The following ISX variants were observed in gnomAD, a reference collection of about 807,000 sequenced individuals.
ISX encodes the protein intestine specific homeobox.
A neutral mutation model predicts 16.9 loss-of-function variants in ISX; 15 were observed. The observed-to-expected ratio is 0.89, with a 90% confidence interval of 0.59 to 1.36. The LOEUF (loss-of-function observed/expected upper bound fraction) is 1.36. Ranked by LOEUF, ISX falls within the 40% of genes most tolerant of loss-of-function variation. ISX has a pLI of 0.00. For synonymous variants in ISX, 125 were observed against 119.7 expected (o/e 1.04, Z -0.29); for missense variants, 316 against 306.1 (o/e 1.03, Z -0.24).
At chr22:35,084,628 G>A (rs1311926764) in intron 4 of ISX, 129 bp downstream of exon 4, 4 of 586,210 alleles carry the variant, frequency 6.8e-6, no homozygotes, top group Non-Finnish European at 1.2e-5. Context: ...AATTATATTA[G>A]AAACAGCATG....
rs568775205 is a variant in ISX at position 35,068,303 on chromosome 22, T to C, written c.229+987T>C. ...TCAGGGAGCCCTTAATGTCATTACC[T>C]GCCATAAATAGAGCTCCACATCCCC... On this transcript the variant is annotated intron_variant, in intron 2 of 4. Transcript: ENST00000404699. 3.3e-4 allele frequency among the ~76,000 whole-genome samples: 50 copies of C among 152,220 alleles called. No homozygotes were observed. The South Asian group carries it at 0.01, about 32-fold the overall frequency.
intron 2 of ISX, among the ~76,000 whole-genome samples, chr22:35,073,560 T>A (rs1186987259): frequency 6.6e-6 from 1 of 152,158 alleles, no homozygotes; most frequent in Admixed American, 6.5e-5. Flanking sequence ...ACAATTACAA[T>A]TGTGGCAAGT....
intron 2 of ISX, among the ~76,000 whole-genome samples, chr22:35,070,845 T>C (rs1476504876): frequency 6.6e-6 from 1 of 152,222 alleles, no homozygotes; most frequent in African/African-American, 2.4e-5. Context: ...GCAATGTTTT[T>C]CTGCAAAGGA....
chr22:35,084,241 C>T (rs1234411598), intron 3 of ISX, 142 bp from the exon 4 acceptor site: 3 of 568,200 alleles, frequency 5.3e-6, no homozygotes, highest in Non-Finnish European at 9.2e-6. Flanking sequence ...ACCTCCAGAT[C>T]CAAAGACATC....
rs767512747 is a variant in ISX, at chr22:35,082,647, A to G, written c.359A>G (p.Asn120Ser). The G allele has an allele frequency of 6.2e-7, 1 of 1,613,968 alleles. No individual in the cohort carries two copies. Among genetic ancestry groups the G allele is most frequent in the Non-Finnish European group, 8.5e-7 (1 of 1,179,968 alleles). Reference sequence around the variant, plus strand: ...CGCAGCCAGCTGGCAGCCAGGATCAACCTCCCAGAAGCTCGGGTGCAGGTA... The same window carrying G: ...CGCAGCCAGCTGGCAGCCAGGATCAGCCTCCCAGAAGCTCGGGTGCAGGTA... Reference protein sequence around the residue: ...HIRSQLAARINLPEARVQIWF... With the variant: ...HIRSQLAARISLPEARVQIWF... Residue 120 changes from asparagine (N) to serine (S), a missense_variant, in exon 3 of 5, where the codon AAC (asparagine) becomes AGC (serine). Transcript: ENST00000404699.
Position 35,072,220 on chromosome 22 carries a change from T to G in ISX, c.229+4904T>G, listed in dbSNP as rs373706644. On this transcript the variant is annotated intron_variant, in intron 2 of 4. Coordinates refer to ENST00000404699, the MANE Select transcript of ISX (RefSeq NM_001303508.2). ...TTCTAGAATTGAGAACCTGGCTCAG[T>G]CTCAGGCCCTGTGGGAGCACAAGAA... 1.3e-4 allele frequency among the ~76,000 whole-genome samples: 20 copies of G among 152,288 alleles called. No homozygotes were observed. The East Asian group carries it at 3.7e-3, about 28-fold the overall frequency.
intron 4 of ISX, 101 bp from the exon 5 acceptor site, chr22:35,085,353 C>A: frequency 7.1e-7 from 1 of 1,400,060 alleles, no homozygotes; most frequent in Non-Finnish European, 1.0e-6. Flanking sequence ...AAGTGGATCA[C>A]ACTACCCACT....
At position 35,085,481 on chromosome 22, in the gene ISX, C is replaced by T. The variant is rs536678640; in HGVS notation, c.526C>T (p.Arg176Cys). The change falls in exon 5 of 5, where the codon CGC becomes TGC. Residue 176 changes from arginine to cysteine, a missense_variant. Transcript: ENST00000404699. ...GCCCACGTGGACATCCACTGCTCTG[C>T]GCAGGCTGGCTCCTCCCACGAGCTG... The part of the protein sequence containing the change: ...AGPTWTSTAL[R>C]RLAPPTSCCP... The T allele has an allele frequency of 2.9e-5, 47 of 1,614,080 alleles. No homozygotes were observed. Among genetic ancestry groups the T allele is most frequent in the Admixed American group, 2.8e-4 (17 of 60,004 alleles).
rs1283092300 is a variant in ISX at position 35,085,998 on chromosome 22, T to C, written c.*305T>C. Reference sequence around the variant, plus strand: ...CTCCAGCACCTGTGTTTCCTCTAACTTGCTGTGTGACCTCCAGCCGGTCAC... The same window carrying C: ...CTCCAGCACCTGTGTTTCCTCTAACCTGCTGTGTGACCTCCAGCCGGTCAC... On this transcript the variant is annotated 3_prime_UTR_variant, in exon 5 of 5. Coordinates refer to ENST00000404699, the MANE Select transcript of ISX (RefSeq NM_001303508.2). The C allele has an allele frequency of 2.4e-6, 1 of 422,208 alleles. No individual in the cohort carries two copies. The highest frequency in any genetic ancestry group is 2.0e-5 in the African/African-American group (1 of 49,618). The allele number at this position is 422,208 out of a possible 1,614,324, so 26.2% of individuals were successfully genotyped here.
At chr22:35,080,126 C>G (rs994802289) in intron 2 of ISX, among the ~76,000 whole-genome samples, 5 of 152,186 alleles carry the variant, frequency 3.3e-5, no homozygotes, top group Non-Finnish European at 7.3e-5. Context: ...AGAGGCCTCC[C>G]CTTCTCGGTC....
In ISX at chr22:35,085,887, C is replaced by T; in HGVS notation, c.*194C>T. 1 of 640,526 alleles carries T rather than the reference C, an allele frequency of 1.6e-6. No homozygotes were observed. 39.7% of individuals were successfully genotyped at this position (640,526 alleles called of 1,614,324 possible). On this transcript the variant is annotated 3_prime_UTR_variant, in exon 5 of 5. Transcript: ENST00000404699. The stretch of plus-strand genomic sequence containing the variant: ...AAACTAAACAATAAAGGACAGCTCT[C>T]TTCTCTCCTGGCTAAAGCTGCTCTC...
chr22:35,084,708 C>CCCTTAGTGAACATCATA (rs1346539527), intron 4 of ISX, among the ~76,000 whole-genome samples: 3 of 152,182 alleles, frequency 2.0e-5, no homozygotes, highest in Non-Finnish European at 4.4e-5. Context: ...CATGTCTCCT[C>CCCTTAGTGAACATCATA]CCTTAGTGAA....
In ISX at chr22:35,077,303, C is replaced by G. The variant is rs75541501; in HGVS notation, c.230-5215C>G. Among the ~76,000 whole-genome samples the G allele has an allele frequency of 5.2e-3, 787 of 152,318 alleles. 8 individuals are homozygous for G. Among genetic ancestry groups the G allele is most frequent in the African/African-American group, 0.018 (748 of 41,564 alleles). ...ATTATGCTTTTCTGCCTTCTCCCAC[C>G]TTGTTCCCTTATTTGTAACTCTCTG... On this transcript the variant is annotated intron_variant, in intron 2 of 4. Coordinates refer to ENST00000404699, the MANE Select transcript of ISX (RefSeq NM_001303508.2).
At chr22:35,068,373 C>T (rs1928763234) in intron 2 of ISX, among the ~76,000 whole-genome samples, 1 of 152,190 alleles carries the variant, frequency 6.6e-6, no homozygotes, top group African/African-American at 2.4e-5. Flanking sequence ...TGAGGGGTCG[C>T]ACTCAGCTGC....
chr22:35,076,369 G>A (rs1468794732), intron 2 of ISX, among the ~76,000 whole-genome samples: 1 of 152,228 alleles, frequency 6.6e-6, no homozygotes, highest in Non-Finnish European at 1.5e-5. Flanking sequence ...AAGATGGAAT[G>A]GGAAAGGCCT....
intron 2 of ISX, among the ~76,000 whole-genome samples, chr22:35,078,545 C>A (rs146539699): frequency 6.6e-6 from 1 of 152,178 alleles, no homozygotes; most frequent in Non-Finnish European, 1.5e-5. Context: ...AGATGAGGCT[C>A]TCCTACAGAG....
intron 2 of ISX, among the ~76,000 whole-genome samples, chr22:35,071,492 A>G (rs1928852114): frequency 6.6e-6 from 1 of 152,058 alleles, no homozygotes; most frequent in Non-Finnish European, 1.5e-5. Context: ...TTGTAGACGC[A>G]TCACTCCACT....
At chr22:35,069,925 T>C (rs904244155) in intron 2 of ISX, among the ~76,000 whole-genome samples, 31 of 152,190 alleles carry the variant, frequency 2.0e-4, no homozygotes, top group African/African-American at 7.0e-4. Flanking sequence ...ATGCAGCCTG[T>C]CAGGCCCAGC....
rs753205062 is a variant in ISX, at chr22:35,086,349, T to G, written c.*656T>G. 6.5e-6 allele frequency: 1 copy of G among 152,774 alleles called. No individual in the cohort carries two copies. 9.5% of individuals were successfully genotyped at this position (152,774 alleles called of 1,614,324 possible). ...TGAGCATCTCAGAGTGAGAGAAAAA[T>G]GTAGAAAGTTTTTTAAATTCTAAAC... On this transcript the variant is annotated 3_prime_UTR_variant, in exon 5 of 5. Transcript: ENST00000404699.
Sources: gnomAD v4.1 joint callset for allele counts (sites outside exome capture counted in the v4.1 genomes callset) on GRCh38, gnomAD v4.1.1 for gene constraint, MANE v1.5 for transcripts, NCBI Gene and HGNC (gene_info 2026-07-23, HGNC 2026-07-21) for gene names.